NTM: variants seen among roughly 807,000 people sequenced by gnomAD.
The protein encoded by NTM is neurotrimin.
NTM carries 13 observed loss-of-function variants against 42.1 expected under a neutral mutation model. The ratio of observed to expected loss-of-function variants is 0.31; its 90% CI spans 0.20 to 0.49. The LOEUF is 0.49. Among genes scored for constraint, NTM ranks in the 20% least tolerant of loss-of-function variants. The pLI is 0.99. For missense variants in NTM, 373 were observed against 452.8 expected (o/e 0.82, Z 1.60); for synonymous variants, 187 against 179.2 (o/e 1.04, Z -0.35).
intron 1 of NTM, among the ~76,000 whole-genome samples, chr11:131,449,124 T>C (rs1275466339): frequency 1.3e-5 from 2 of 152,188 alleles, no homozygotes; most frequent in South Asian, 2.1e-4. Context: ...AGCTATAAAT[T>C]GGCTCAGTCA....
chr11:132,314,866 A>C, intron 7 of NTM, 163 bp downstream of exon 7: 1 of 1,375,198 alleles, frequency 7.3e-7, no homozygotes, highest in Non-Finnish European at 9.4e-7. Context: ...ATGGAGAGAG[A>C]GGGACAGAGA....
chr11:131,874,104 G>A (rs2137137921), intron 1 of NTM, among the ~76,000 whole-genome samples: 1 of 119,344 alleles, frequency 8.4e-6, no homozygotes, highest in Non-Finnish European at 1.8e-5. Flanking sequence ...CTTGATGGTT[G>A]CTTCAATGTG....
rs1022132206 is a variant in NTM, at chr11:131,970,128, G to C, written c.167+58480G>C. Among the ~76,000 whole-genome samples the C allele has an allele frequency of 2.8e-4, 42 of 152,110 alleles. 1 individual carries two copies. Among genetic ancestry groups the C allele is most frequent in the Non-Finnish European group, 2.9e-5 (2 of 68,024 alleles). ...CCCAGCTAATAATTCTTATATAAAG[G>C]CAATGAAAGCAATGCAATTAGAAAC... On this transcript the variant is annotated intron_variant, in intron 2 of 8. Coordinates refer to ENST00000683400, the MANE Select transcript of NTM (RefSeq NM_001352005.2).
At chr11:131,613,353 G>A (rs905384725) in intron 1 of NTM, among the ~76,000 whole-genome samples, 11 of 152,016 alleles carry the variant, frequency 7.2e-5, no homozygotes, top group Admixed American at 1.3e-4. Context: ...CTCTGAAATC[G>A]TATTTTACAG....
At chr11:132,287,570 A>T (rs1326316536) in intron 4 of NTM, among the ~76,000 whole-genome samples, 1 of 152,176 alleles carries the variant, frequency 6.6e-6, no homozygotes, top group Non-Finnish European at 1.5e-5. Context: ...GGCTGGAGAA[A>T]AGGATCAGAG....
intron 1 of NTM, among the ~76,000 whole-genome samples, chr11:131,632,908 C>T (rs988328663): frequency 6.6e-5 from 10 of 151,878 alleles, no homozygotes; most frequent in East Asian, 5.8e-4. Flanking sequence ...CTCCTGACCT[C>T]GTGATCCGCC....
At chr11:131,598,782 CTTCTTTCTTTCTTTCTTT>C (rs1565685927) in intron 1 of NTM, among the ~76,000 whole-genome samples, 3 of 59,738 alleles carry the variant, frequency 5.0e-5, no homozygotes. Context: ...TTCTTTCTTT[CTTCTTTCTTTCTTTCTTT>C]TTCTTTCTTT....
chr11:131,554,282 A>C (rs1405111405), intron 1 of NTM, among the ~76,000 whole-genome samples: 1 of 152,218 alleles, frequency 6.6e-6, no homozygotes, highest in African/African-American at 2.4e-5. Context: ...AACTTATTGA[A>C]CAAGCTGAAT....
In NTM at chr11:132,002,056, A is replaced by G. The variant is rs769727589; in HGVS notation, c.167+90408A>G. Among the ~76,000 whole-genome samples the G allele has an allele frequency of 3.9e-5, 6 of 152,210 alleles. No homozygotes were observed. The highest frequency in any genetic ancestry group is 5.9e-5 in the Non-Finnish European group (4 of 68,030). ...GGACAGCCAAAGAGGAATCAGAATC[A>G]GTTAATGAATTAGGCTCACAGGGGT... On this transcript the variant is annotated intron_variant, in intron 2 of 8. Transcript: ENST00000683400. The surrounding 1 kb of genome is among the most constrained non-coding windows in gnomAD (Gnocchi z 4.5).
intron 3 of NTM, among the ~76,000 whole-genome samples, chr11:132,183,748 C>T (rs2077964391): frequency 6.6e-6 from 1 of 151,936 alleles, no homozygotes; most frequent in Non-Finnish European, 1.5e-5. Context: ...AAAGTGCTTC[C>T]ATTCCTGTTT....
At chr11:132,137,203 C>A (rs527242749) in intron 2 of NTM, among the ~76,000 whole-genome samples, 1 of 152,352 alleles carries the variant, frequency 6.6e-6, no homozygotes, top group South Asian at 2.1e-4. Context: ...ATTTCTTCAT[C>A]CAGTGTGTCC....
At chr11:131,506,401 C>T (rs1468617169) in intron 1 of NTM, among the ~76,000 whole-genome samples, 9 of 152,138 alleles carry the variant, frequency 5.9e-5, no homozygotes, top group Admixed American at 4.6e-4. Context: ...ATTTCTCCAT[C>T]GGGAGCACTA....
chr11:131,632,084 G>A (rs1004579876), intron 1 of NTM, among the ~76,000 whole-genome samples: 11 of 152,164 alleles, frequency 7.2e-5, no homozygotes, highest in Admixed American at 6.5e-4. Context: ...ATCTGCAGAT[G>A]TGGTGATTTC....
At chr11:131,673,839 G>T (rs928489629) in intron 1 of NTM, among the ~76,000 whole-genome samples, 1 of 152,096 alleles carries the variant, frequency 6.6e-6, no homozygotes, top group East Asian at 1.9e-4. Context: ...CCAGAACAAG[G>T]ATTTGACATC....
chr11:131,558,066 C>T (rs971076298), intron 1 of NTM, among the ~76,000 whole-genome samples: 1 of 152,176 alleles, frequency 6.6e-6, no homozygotes, highest in Non-Finnish European at 1.5e-5. Flanking sequence ...ATGAACTTGC[C>T]GAGCCTTTTG....
chr11:131,619,567 G>C (rs1472944859), intron 1 of NTM, among the ~76,000 whole-genome samples: 1 of 152,140 alleles, frequency 6.6e-6, no homozygotes, highest in African/African-American at 2.4e-5. Flanking sequence ...TAGTTTATCA[G>C]ACTAAAATGG....
At chr11:131,866,354 G>A (rs899333092) in intron 1 of NTM, among the ~76,000 whole-genome samples, 1 of 152,264 alleles carries the variant, frequency 6.6e-6, no homozygotes, top group African/African-American at 2.4e-5. Flanking sequence ...TCTGCAGGTT[G>A]CTGGCTGTGT....
intron 2 of NTM, among the ~76,000 whole-genome samples, chr11:132,102,101 A>G (rs112368778): frequency 1.3e-5 from 2 of 152,060 alleles, no homozygotes; most frequent in Non-Finnish European, 2.9e-5. Context: ...TAGCCTTCAC[A>G]TTCTTTTTCT....
chr11:132,302,542 T>C (rs952182940), intron 4 of NTM, among the ~76,000 whole-genome samples: 11 of 152,158 alleles, frequency 7.2e-5, no homozygotes, highest in Non-Finnish European at 1.6e-4. Flanking sequence ...CTTTTTTTCA[T>C]TGAATTCAAC....
Sources: gnomAD v4.1 joint callset for allele counts (sites outside exome capture counted in the v4.1 genomes callset) on GRCh38, gnomAD v4.1.1 for gene constraint, Gnocchi (gnomAD v3.1) non-coding constraint, MANE v1.5 for transcripts, NCBI Gene and HGNC (gene_info 2026-07-23, HGNC 2026-07-21) for gene names.